Variants in SRGAP3 observed in about 807,000 individuals in gnomAD.
The protein encoded by SRGAP3 is SLIT-ROBO Rho GTPase-activating protein 3.
A neutral mutation model predicts 121.1 loss-of-function variants in SRGAP3; 39 were observed. The observed-to-expected ratio is 0.32, with a 90% CI of 0.25 to 0.42. SRGAP3 has a LOEUF of 0.42. Ranked by LOEUF, SRGAP3 falls within the 10% of genes least tolerant of loss-of-function variation. The pLI is 1.00. For missense variants in SRGAP3, 1,213 were observed against 1,470.6 expected, an observed-to-expected ratio of 0.82 and a Z score of 2.86; for synonymous variants, 601 against 570.0, an observed-to-expected ratio of 1.05 and a Z score of -0.77.
chr3:9,074,877 T>C (rs1450178357), intron 4 of SRGAP3, among the ~76,000 whole-genome samples: 1 of 152,172 alleles, frequency 6.6e-6, no homozygotes, highest in Admixed American at 6.5e-5. Context: ...TGGACACTCC[T>C]CAGGCCCTCC....
intron 1 of SRGAP3, among the ~76,000 whole-genome samples, chr3:9,342,350 C>CA (rs5741610): frequency 0.063 from 9,100 of 144,770 alleles, 968 homozygotes; most frequent in African/African-American, 0.22. Context: ...GACTCCATCT[C>CA]AAAAAAAAAA....
chr3:9,251,503 AC>A (rs1358916198), upstream of SRGAP3, among the ~76,000 whole-genome samples: 1 of 152,034 alleles, frequency 6.6e-6, no homozygotes, highest in African/African-American at 2.4e-5. Flanking sequence ...GAAAGTTAAA[AC>A]CATACACCTT....
At chr3:9,053,324 A>G (rs1945672118) in intron 8 of SRGAP3, 100 bp from the exon 9 acceptor site, 7 of 1,201,972 alleles carry the variant, frequency 5.8e-6, no homozygotes, top group Non-Finnish European at 8.4e-6. Flanking sequence ...TTCCATATGA[A>G]GTCCCTAGGA....
chr3:9,291,526 A>G (rs1026300903), intron 3 of SRGAP3, among the ~76,000 whole-genome samples: 3 of 152,038 alleles, frequency 2.0e-5, no homozygotes, highest in Non-Finnish European at 4.4e-5. Flanking sequence ...AATGGTGTAT[A>G]TATCTATGGT....
At chr3:9,100,206 T>G (rs188456326) in intron 3 of SRGAP3, among the ~76,000 whole-genome samples, 2 of 151,974 alleles carry the variant, frequency 1.3e-5, no homozygotes, top group South Asian at 4.2e-4. Flanking sequence ...CTGTTCTGAG[T>G]TTTTTCCTTC....
At chr3:9,232,114 T>C (rs1345928691) in intron 1 of SRGAP3, among the ~76,000 whole-genome samples, 1 of 152,178 alleles carries the variant, frequency 6.6e-6, no homozygotes. Context: ...TTCGGTAAAA[T>C]ATTACGTTTC....
Position 9,321,303 on chromosome 3 carries a change from C to T in SRGAP3, n.442+4707G>A, listed in dbSNP as rs73126612. Among the ~76,000 whole-genome samples, 1,377 of 151,996 alleles carry T rather than the reference C, an allele frequency of 9.1e-3. 28 individuals are homozygous for T. The highest frequency in any genetic ancestry group is 0.031 in the African/African-American group (1,301 of 41,572). On this transcript the variant is annotated intron_variant and non_coding_transcript_variant, in intron 3 of 3. Coordinates refer to the SRGAP3 transcript ENST00000490889. ...GAACAGGGATGGCCATTCTGCTCTG[C>T]TGTCTGAATTCCTGACCCATAGAAA...
chr3:9,086,825 A>G (rs928097498), intron 3 of SRGAP3, among the ~76,000 whole-genome samples: 1 of 130,606 alleles, frequency 7.7e-6, no homozygotes, highest in Non-Finnish European at 1.6e-5. Context: ...ATATACATAT[A>G]GGTATAGTAC....
chr3:9,337,818 G>A (rs1161002238), intron 1 of SRGAP3: 1 of 152,192 alleles, frequency 6.6e-6, no homozygotes, highest in Non-Finnish European at 1.5e-5. Flanking sequence ...AAGAGGCTCT[G>A]TGAAAATACA....
chr3:9,319,934 A>C (rs574399478), intron 3 of SRGAP3, among the ~76,000 whole-genome samples: 9 of 152,034 alleles, frequency 5.9e-5, no homozygotes, highest in African/African-American at 1.9e-4. Flanking sequence ...TGCACAGGGA[A>C]CATCTTTTGT....
upstream of SRGAP3, among the ~76,000 whole-genome samples, chr3:9,254,280 T>C (rs1195437336): frequency 6.6e-6 from 1 of 152,090 alleles, no homozygotes; most frequent in African/African-American, 2.4e-5. Context: ...AGAAATGAAG[T>C]ACCAATACAT....
chr3:9,066,594 G>A (rs1419647834), intron 4 of SRGAP3, among the ~76,000 whole-genome samples: 1 of 152,138 alleles, frequency 6.6e-6, no homozygotes, highest in African/African-American at 2.4e-5. Context: ...CCACCTCCTG[G>A]GTTCAAGTGA....
chr3:9,104,438 G>A (rs940425976), intron 3 of SRGAP3, among the ~76,000 whole-genome samples: 12 of 152,162 alleles, frequency 7.9e-5, no homozygotes, highest in Non-Finnish European at 2.9e-5. Context: ...GCCATGCAAA[G>A]GTTTTCATTT....
rs112120264 is a variant in SRGAP3 at position 9,085,108 on chromosome 3, A to G, written c.424-5021T>C. Among the ~76,000 whole-genome samples the G allele has an allele frequency of 9.1e-4, 138 of 152,312 alleles. 1 individual carries two copies. The highest frequency in any genetic ancestry group is 3.3e-3 in the African/African-American group (136 of 41,562). Reference sequence around the variant, plus strand: ...TTTATCATTTGCTTCCCTTGCTTCAATGTCAGCCCCATGAGGGCAAAGAGA... The same window carrying G: ...TTTATCATTTGCTTCCCTTGCTTCAGTGTCAGCCCCATGAGGGCAAAGAGA... On this transcript the variant is annotated intron_variant, in intron 3 of 21. Coordinates refer to ENST00000383836, the MANE Select transcript of SRGAP3 (RefSeq NM_014850.4).
intron 1 of SRGAP3, among the ~76,000 whole-genome samples, chr3:9,238,673 T>C (rs1272127500): frequency 6.6e-6 from 1 of 151,988 alleles, no homozygotes; most frequent in Non-Finnish European, 1.5e-5. Context: ...TCACAGAATC[T>C]AAGAGTGGAG....
At chr3:9,080,470 G>T (rs554796592) in intron 3 of SRGAP3, among the ~76,000 whole-genome samples, 87 of 152,310 alleles carry the variant, frequency 5.7e-4, no homozygotes, top group African/African-American at 2.1e-3. Context: ...CTCATGAATG[G>T]CTACAGAGTG....
intron 3 of SRGAP3, among the ~76,000 whole-genome samples, chr3:9,094,383 T>C (rs1015982133): frequency 6.6e-6 from 1 of 152,190 alleles, no homozygotes; most frequent in African/African-American, 2.4e-5. Flanking sequence ...CGATGGACAT[T>C]TAGGTTATTT....
At chr3:9,271,916 G>A (rs566488458) in intron 3 of SRGAP3, among the ~76,000 whole-genome samples, 3 of 152,318 alleles carry the variant, frequency 2.0e-5, no homozygotes, top group Admixed American at 6.5e-5. Context: ...TGGAAGGTCT[G>A]AGACCTGCTC....
chr3:9,073,768 T>C (rs947264137), intron 4 of SRGAP3, among the ~76,000 whole-genome samples: 4 of 152,222 alleles, frequency 2.6e-5, no homozygotes, highest in African/African-American at 9.6e-5. Context: ...CTCCAAAATA[T>C]ACCTATGAAC....
Sources: allele counts gnomAD v4.1 joint callset (sites outside exome capture counted in the v4.1 genomes callset), GRCh38; gene constraint gnomAD v4.1.1; transcripts MANE v1.5; gene names NCBI Gene and HGNC (gene_info 2026-07-23, HGNC 2026-07-21).